GBP1: variants seen among roughly 807,000 people sequenced by gnomAD.
GBP1 encodes guanylate-binding protein 1.
GBP1 carries 64 observed loss-of-function variants against 69.5 expected under a neutral mutation model. That is an observed-to-expected ratio of 0.92 (90% CI 0.75 to 1.13). The LOEUF is 1.13. GBP1 is among the 50% of genes most tolerant of loss of function. The probability of loss-of-function intolerance (pLI) is 0.00; values close to 1 mark genes in which losing one functional copy is unlikely to be tolerated. For missense variants in GBP1, 630 were observed against 704.1 expected, an observed-to-expected ratio of 0.89 and a Z score of 1.19; for synonymous variants, 250 against 261.2, an observed-to-expected ratio of 0.96 and a Z score of 0.41.
At chr1:89,057,850 A>G (rs1228064841) in intron 6 of GBP1, 142 bp downstream of exon 6, 2 of 966,794 alleles carry the variant, frequency 2.1e-6, no homozygotes, top group Non-Finnish European at 1.5e-6. Flanking sequence ...CTAACAATAT[A>G]TGTTAGAAAC....
At chr1:89,057,801 AC>A (rs1434269024) in intron 6 of GBP1, among the ~76,000 whole-genome samples, 190 bp downstream of exon 6, 2 of 152,228 alleles carry the variant, frequency 1.3e-5, no homozygotes, top group African/African-American at 4.8e-5. Flanking sequence ...AAGCAATAGA[AC>A]TTTTTTCCTT....
intron 8 of GBP1, 77 bp from the exon 9 acceptor site, chr1:89,055,292 C>A (rs1680014765): frequency 6.3e-7 from 1 of 1,592,122 alleles, no homozygotes; most frequent in Non-Finnish European, 8.5e-7. Flanking sequence ...TCCTGCCATC[C>A]TTTCTCCTCT....
intron 1 of GBP1, among the ~76,000 whole-genome samples, chr1:89,064,240 T>A (rs6682170): frequency 0.052 from 5,196 of 99,606 alleles, 170 homozygotes; most frequent in South Asian, 0.091. Flanking sequence ...TGTGTGTGTG[T>A]GAGAGAGAGA....
chr1:89,062,930 A>T (rs1328790200), intron 2 of GBP1, 115 bp downstream of exon 2: 10 of 1,295,210 alleles, frequency 7.7e-6, no homozygotes, highest in Non-Finnish European at 1.1e-5. Flanking sequence ...CTGTGAATGG[A>T]AAGTTAGCTT....
chr1:89,053,444 CCT>C lies in GBP1; in HGVS notation c.1688_1689del (p.Glu563GlyfsTer12), dbSNP rs1679968408. The C allele has an allele frequency of 6.2e-7, 1 of 1,613,128 alleles. No individual in the cohort carries two copies. Among genetic ancestry groups the C allele is most frequent in the African/African-American group, 1.3e-5 (1 of 74,814 alleles). On this transcript the variant is annotated frameshift_variant, in exon 11 of 11. Transcript: ENST00000370473. LOFTEE classifies it high-confidence loss of function. ...KLQEQEQLLK[E>X]GFQKESRIMK... ...ATTATTCTGCTTTCTTTTTGAAATC[CCT>C]CTTTTAGTAGTTGCTCCTGTTCCTA...
intron 5 of GBP1, chr1:89,058,559 T>C: frequency 5.4e-6 from 3 of 551,546 alleles, no homozygotes; most frequent in Admixed American, 6.4e-5. Context: ...CTCCATACTC[T>C]ATGGCTAAGT....
Position 89,058,936 on chromosome 1 carries a change from A to C in GBP1, c.536T>G (p.Val179Gly), listed in dbSNP as rs1680112711. Residue 179 changes from valine (V) to glycine (G), a missense_variant, in exon 5 of 11, where the codon GTG becomes GGG. Physicochemically the swap from Val to Gly is moderately radical, Grantham distance 109. Coordinates refer to ENST00000370473, the MANE Select transcript of GBP1 (RefSeq NM_002053.3). Reference protein sequence around the residue: ...ADFVSFFPDFVWTLRDFSLDL... With the variant: ...ADFVSFFPDFGWTLRDFSLDL... ...CAGGGAGAAATCTCTCAGTGTCCAC[A>C]CAAAGTCTGGGAAGAAGCTCACAAA... The C allele has an allele frequency of 6.2e-7, 1 of 1,614,206 alleles. No homozygotes were observed. The highest frequency in any genetic ancestry group is 1.3e-5 in the African/African-American group (1 of 75,048).
chr1:89,057,583 G>A (rs1283854058), intron 6 of GBP1, among the ~76,000 whole-genome samples: 13 of 152,218 alleles, frequency 8.5e-5, no homozygotes, highest in South Asian at 6.2e-4. Context: ...GTTCAAAAGC[G>A]CTTTCTGTAA....
At chr1:89,057,961 A>AATGAGCAG (rs1680085693) in intron 6 of GBP1, 31 bp downstream of exon 6, 1 of 1,588,938 alleles carries the variant, frequency 6.3e-7, no homozygotes, top group African/African-American at 1.4e-5. Flanking sequence ...AGTCTTAAAC[A>AATGAGCAG]ATGAGCAGAA....
At chr1:89,057,427 C>G (rs1680075139) in intron 6 of GBP1, among the ~76,000 whole-genome samples, 1 of 152,182 alleles carries the variant, frequency 6.6e-6, no homozygotes, top group South Asian at 2.1e-4. Context: ...TAACCCCAAC[C>G]AACATTAGGA....
rs140288607 is a variant in GBP1 at position 89,056,978 on chromosome 1, T to C, written c.1031A>G (p.Gln344Arg). ...HYEQQMGQKV[Q>R]LPTETLQELL... is the part of the protein sequence containing the mutation. Reference sequence around the variant, plus strand: ...CTCCTGGAGGGTTTCTGTGGGCAGCTGCACCTTCTGGCCCATCTGCTGTTC... The same window carrying C: ...CTCCTGGAGGGTTTCTGTGGGCAGCCGCACCTTCTGGCCCATCTGCTGTTC... Residue 344 changes from glutamine to arginine, a missense_variant, in exon 7 of 11, where the codon CAG becomes CGG. Gln to Arg is a conservative substitution (Grantham distance 43). Around this residue, in one of 5 missense-constraint regions of GBP1, gnomAD observed 367 missense variants for 369.5 expected, o/e 0.99. Coordinates refer to ENST00000370473, the MANE Select transcript of GBP1 (RefSeq NM_002053.3). 54 of 1,614,134 alleles carry C rather than the reference T, an allele frequency of 3.3e-5. 1 individual carries two copies. The African/African-American group carries it at 6.8e-4, about 20-fold the overall frequency.
At position 89,059,357 on chromosome 1, in the gene GBP1, T is replaced by C. The variant is rs1680124473; in HGVS notation, c.388A>G (p.Ser130Gly). Residue 130 changes from serine (S) to glycine (G), a missense_variant, in exon 4 of 11, where the codon AGC (serine) becomes GGC (glycine). By Grantham distance (56) the Ser-to-Gly change is moderately conservative (BLOSUM62 0). This residue lies in a region of GBP1 where 26 missense variants were observed against 54.9 expected (regional missense o/e 0.47). Coordinates refer to ENST00000370473, the MANE Select transcript of GBP1 (RefSeq NM_002053.3). ...GCCTGCTGGTTGATGGTTCCTATGC[T>C]ATTGTACACGAAGGTGCTGCTCAGG... ...VLLSSTFVYNSIGTINQQAMD... is the reference protein window; with the variant it reads ...VLLSSTFVYNGIGTINQQAMD... 3 of 1,614,068 alleles carry C rather than the reference T, an allele frequency of 1.9e-6. No homozygotes were observed. Among genetic ancestry groups the C allele is most frequent in the African/African-American group, 2.7e-5 (2 of 75,008 alleles).
chr1:89,060,719 A>G (rs914509147), intron 2 of GBP1, among the ~76,000 whole-genome samples: 2 of 152,252 alleles, frequency 1.3e-5, no homozygotes, highest in Non-Finnish European at 2.9e-5. Flanking sequence ...TAATTAGACA[A>G]GAGAAGCATA....
intron 10 of GBP1, among the ~76,000 whole-genome samples, chr1:89,054,267 A>AT (rs1186949051): frequency 1.1e-4 from 16 of 152,060 alleles, no homozygotes; most frequent in Admixed American, 3.3e-4. Flanking sequence ...ATCTAGCTAA[A>AT]TTTTTTGTAT....
chr1:89,064,845 CA>C (rs1680297128), intron 1 of GBP1, among the ~76,000 whole-genome samples: 1 of 152,176 alleles, frequency 6.6e-6, no homozygotes, highest in Admixed American at 6.5e-5. Context: ...ATAATGTCAA[CA>C]AAGAGAAAGA....
chr1:89,058,272 A>G (rs765653800), intron 5 of GBP1, 38 bp from the exon 6 acceptor site: 1 of 1,526,878 alleles, frequency 6.5e-7, no homozygotes, highest in Non-Finnish European at 8.8e-7. Flanking sequence ...ATTGCCTAAT[A>G]TAAGTGTTTC....
Position 89,058,499 on chromosome 1 carries a change from G to A in GBP1, c.632-265C>T. The A allele has an allele frequency of 1.2e-5, 6 of 518,110 alleles. No individual in the cohort carries two copies. In the South Asian group the frequency reaches 1.5e-4, roughly 13 times the overall value. 32.1% of individuals were successfully genotyped at this position (518,110 alleles called of 1,614,324 possible). On this transcript the variant is annotated intron_variant, in intron 5 of 10. Coordinates refer to ENST00000370473, the MANE Select transcript of GBP1 (RefSeq NM_002053.3). ...CTGTAGTTTGCCAATGCTTGGACTA[G>A]CACACGGTTCATGTTTTAGTCTATG...
At chr1:89,054,192 T>C (rs559095838) in intron 10 of GBP1, among the ~76,000 whole-genome samples, 19 of 152,210 alleles carry the variant, frequency 1.2e-4, no homozygotes, top group African/African-American at 4.6e-4. Flanking sequence ...CTCTGCCTCC[T>C]GGGTTCACTC....
At chr1:89,064,070 T>C (rs1024596548) in intron 1 of GBP1, among the ~76,000 whole-genome samples, 2 of 152,292 alleles carry the variant, frequency 1.3e-5, no homozygotes, top group Admixed American at 1.3e-4. Flanking sequence ...GTTGTTCAAA[T>C]AAAATATATT....
Sources: allele counts gnomAD v4.1 joint callset (sites outside exome capture counted in the v4.1 genomes callset), GRCh38; gene constraint gnomAD v4.1.1; regional missense constraint gnomAD v4.1.1; transcripts MANE v1.5; gene names NCBI Gene and HGNC (gene_info 2026-07-23, HGNC 2026-07-21).